TEX15: variants seen among roughly 807,000 people sequenced by gnomAD.
The protein encoded by TEX15 is testis expressed 15, meiosis and synapsis associated.
A neutral mutation model predicts 237.3 loss-of-function variants in TEX15; 171 were observed. The observed-to-expected ratio is 0.72, with a 90% CI of 0.64 to 0.82. TEX15 has a LOEUF of 0.82. Among genes scored for constraint, TEX15 ranks in the 40% least tolerant of loss-of-function variants. The pLI, the probability that TEX15 is intolerant of heterozygous loss-of-function variation, is 0.00. For synonymous variants in TEX15, 1,338 were observed against 1,269.8 expected (o/e 1.05, Z -1.14); for missense variants, 3,750 against 3,646.5 (o/e 1.03, Z -0.73).
intron 5 of TEX15, 31 bp downstream of exon 5, chr8:30,867,234 A>T (rs1808192399): frequency 4.6e-6 from 5 of 1,077,928 alleles, no homozygotes; most frequent in Non-Finnish European, 5.4e-6. Flanking sequence ...CAAACTGTCC[A>T]TATACTTAAT....
rs753722416 is a variant in TEX15, at chr8:30,887,226, C to T, written c.77G>A (p.Arg26His). Residue 26 changes from arginine (R) to histidine (H), a missense_variant, in exon 3 of 11, where the codon CGT becomes CAT. Coordinates refer to ENST00000643185, the MANE Select transcript of TEX15 (RefSeq NM_001350162.2). Reference protein sequence around the residue: ...SSTSKPVLNTREVNPLKKFTI... With the variant: ...SSTSKPVLNTHEVNPLKKFTI... ...GAATTTCTTCAAAGGATTGACTTCA[C>T]GAGTATTCAACACGGGTTTGCTAGT... is the stretch of plus-strand genomic sequence containing the variant. 19 of 1,535,860 alleles carry T rather than the reference C, an allele frequency of 1.2e-5. No homozygotes were observed. The highest frequency in any genetic ancestry group is 7.1e-5 in the South Asian group (6 of 84,036).
At position 30,837,120 on chromosome 8, in the gene TEX15, T is replaced by C. The variant is rs1242187257; in HGVS notation, c.9164A>G (p.Asn3055Ser). 2.5e-6 allele frequency: 4 copies of C among 1,613,034 alleles called. No homozygotes were observed. The highest frequency in any genetic ancestry group is 1.7e-5 in the Admixed American group (1 of 59,990). The change falls in exon 10 of 11, where the codon AAT (asparagine) becomes AGT (serine). Residue 3055 changes from asparagine to serine, a missense_variant. Transcript: ENST00000643185. ...CVYQYSNSNG[N>S]AITQTYQGIT... Reference sequence around the variant, plus strand: ...CCCTTGGTATGTCTGGGTAATGGCATTGCCATTGCTGTTGCTGTACTGATA... The same window carrying C: ...CCCTTGGTATGTCTGGGTAATGGCACTGCCATTGCTGTTGCTGTACTGATA...
chr8:30,877,468 A>G (rs560039662), intron 3 of TEX15, among the ~76,000 whole-genome samples: 2 of 152,254 alleles, frequency 1.3e-5, no homozygotes, highest in Admixed American at 6.5e-5. Flanking sequence ...ATAAAACACT[A>G]TAACCAGCTG....
At chr8:30,901,896 A>G (rs762390302) in intron 1 of TEX15, among the ~76,000 whole-genome samples, 16 of 152,234 alleles carry the variant, frequency 1.1e-4, no homozygotes, top group Non-Finnish European at 1.6e-4. Context: ...CTTCCTAATT[A>G]TAGATCACTG....
In TEX15 at chr8:30,847,631, TTAAC is replaced by T. The variant is rs767840174; in HGVS notation, c.2532_2535del (p.Leu845AlafsTer6). ...TTAACATTCAGCCATATATCATTGC[TTAAC>T]TGTGAATTACAGAACAGATTGTGAT... On this transcript the variant is annotated frameshift_variant, in exon 8 of 11. Transcript: ENST00000643185. LOFTEE classifies it high-confidence loss of function. The T allele has an allele frequency of 1.1e-5, 17 of 1,613,554 alleles. No homozygotes were observed. Among genetic ancestry groups the T allele is most frequent in the Non-Finnish European group, 1.4e-5 (16 of 1,179,866 alleles).
chr8:30,869,140 C>G (rs895102320), intron 4 of TEX15, among the ~76,000 whole-genome samples: 9 of 151,704 alleles, frequency 5.9e-5, no homozygotes, highest in Non-Finnish European at 1.2e-4. Context: ...AGTTTTTGAT[C>G]TATTTCTGGC....
At chr8:30,855,693 A>G (rs1207331206) in intron 7 of TEX15, among the ~76,000 whole-genome samples, 1 of 152,194 alleles carries the variant, frequency 6.6e-6, no homozygotes, top group Non-Finnish European at 1.5e-5. Flanking sequence ...AACAACCCAA[A>G]TGTTGACCAA....
intron 5 of TEX15, 91 bp from the exon 6 acceptor site, chr8:30,860,148 C>T (rs901086612): frequency 4.5e-5 from 52 of 1,152,906 alleles, no homozygotes; most frequent in Middle Eastern, 3.0e-4. Context: ...GCTAACATTG[C>T]TTTGTTTTTC....
At chr8:30,892,682 A>C (rs1305837880) in intron 2 of TEX15, among the ~76,000 whole-genome samples, 2 of 152,080 alleles carry the variant, frequency 1.3e-5, no homozygotes, top group Non-Finnish European at 2.9e-5. Flanking sequence ...GTACTTTATA[A>C]TTTTTACGTT....
rs768516793 is a variant in TEX15, at chr8:30,849,015, C to T, written c.1152G>A (p.Met384Ile). 1.2e-6 allele frequency: 2 copies of T among 1,614,150 alleles called. No homozygotes were observed. Among genetic ancestry groups the T allele is most frequent in the South Asian group, 1.1e-5 (1 of 91,072 alleles). ...VLAHDSDISL[M>I]PSDAKDSVNG... ...TAACACTGTCTTTGGCATCACTGGG[C>T]ATAAGTGAAATGTCTGAATCATGTG... is the stretch of plus-strand genomic sequence containing the variant. The change falls in exon 8 of 11, where the codon ATG becomes ATA. Residue 384 changes from methionine to isoleucine, a missense_variant. Coordinates refer to ENST00000643185, the MANE Select transcript of TEX15 (RefSeq NM_001350162.2).
At chr8:30,859,778 C>A in intron 6 of TEX15, 133 bp downstream of exon 6, 1 of 666,594 alleles carries the variant, frequency 1.5e-6, no homozygotes, top group Non-Finnish European at 2.1e-6. Context: ...ATTAAAATAG[C>A]TTTCACTGTT....
Position 30,837,373 on chromosome 8 carries a change from T to G in TEX15, c.8911A>C (p.Asn2971His). The change falls in exon 10 of 11, where the codon AAT becomes CAT. Residue 2971 changes from asparagine to histidine, a missense_variant. Asn to His is a moderately conservative substitution (Grantham distance 68). Coordinates refer to ENST00000643185, the MANE Select transcript of TEX15 (RefSeq NM_001350162.2). The stretch of plus-strand genomic sequence containing the variant: ...CCAAAAGTATGCACAGTATTGGGAT[T>G]CAATGTATCCTTCATGTATTTGTCC... ...SEDKYMKDTL[N>H]PNTVHTFGAS... is the part of the protein sequence containing the mutation. The G allele has an allele frequency of 6.2e-7, 1 of 1,614,152 alleles. No individual in the cohort carries two copies. Among genetic ancestry groups the G allele is most frequent in the South Asian group, 1.1e-5 (1 of 91,078 alleles).
In TEX15 at chr8:30,845,481, G is replaced by A. The variant is rs1277696255; in HGVS notation, c.4686C>T (p.His1562=). The A allele has an allele frequency of 1.9e-6, 3 of 1,613,244 alleles. No individual in the cohort carries two copies. Among genetic ancestry groups the A allele is most frequent in the Non-Finnish European group, 2.5e-6 (3 of 1,179,490 alleles). Residue 1562 remains histidine, a synonymous_variant, in exon 8 of 11, where the codon CAC becomes CAT. Transcript: ENST00000643185. ...CTTTTTCTATTAGTTTCTCATCTGAGTGGTCTGGGGAAAACAGATATGCAG... is the reference window on the plus strand; with the variant it reads ...CTTTTTCTATTAGTTTCTCATCTGAATGGTCTGGGGAAAACAGATATGCAG... ...GKTAYLFSPD[H]SDEKLIEKEN... is the part of the protein sequence containing the mutation.
intron 8 of TEX15, among the ~76,000 whole-genome samples, chr8:30,841,442 T>C (rs540430691): frequency 1.8e-4 from 28 of 152,276 alleles, no homozygotes; most frequent in Admixed American, 2.0e-4. Flanking sequence ...AGGAAATACA[T>C]CATAAGGGGT....
rs1371024989 is a variant in TEX15, at chr8:30,848,170, T to C, written c.1997A>G (p.Tyr666Cys). Reference protein sequence around the residue: ...IDNYIVLHQEYKESESHNSFG... With the variant: ...IDNYIVLHQECKESESHNSFG... ...AGAATTATGACTCTCACTCTCTTTG[T>C]ATTCTTGGTGCAAAACAATGTAATT... The change falls in exon 8 of 11, where the codon TAC (tyrosine) becomes TGC (cysteine). Residue 666 changes from tyrosine (Y) to cysteine (C), a missense_variant. Coordinates refer to ENST00000643185, the MANE Select transcript of TEX15 (RefSeq NM_001350162.2). The C allele has an allele frequency of 6.2e-7, 1 of 1,611,370 alleles. No individual in the cohort carries two copies. The highest frequency in any genetic ancestry group is 8.5e-7 in the Non-Finnish European group (1 of 1,179,402).
chr8:30,855,216 T>A (rs374709716), intron 7 of TEX15, among the ~76,000 whole-genome samples: 1 of 152,044 alleles, frequency 6.6e-6, no homozygotes, highest in Non-Finnish European at 1.5e-5. Flanking sequence ...CTAAAAAAAA[T>A]CTATTAGAAT....
intron 1 of TEX15, among the ~76,000 whole-genome samples, chr8:30,908,977 A>G (rs753399551): frequency 1.5e-4 from 23 of 152,012 alleles, no homozygotes; most frequent in Non-Finnish European, 2.6e-4. Flanking sequence ...TCTCACACAC[A>G]CCCTTAAAGT....
chr8:30,852,382 C>T (rs1382414401), intron 7 of TEX15, among the ~76,000 whole-genome samples: 3 of 152,104 alleles, frequency 2.0e-5, no homozygotes, highest in Middle Eastern at 3.4e-3. Context: ...TGTGAGCCAC[C>T]GCGCCTGGCC....
At position 30,848,551 on chromosome 8, in the gene TEX15, G is replaced by C. The variant is rs1270924869; in HGVS notation, c.1616C>G (p.Ser539Cys). ...AGQCKDQGNF[S>C]FPISVSNVVS... is the part of the protein sequence containing the mutation. ...TACATTTGACACAGAAATTGGGAAG[G>C]AAAAATTACCTTGGTCCTTACATTG... Residue 539 changes from serine to cysteine, a missense_variant, in exon 8 of 11, where the codon TCC becomes TGC. Transcript: ENST00000643185. 1.2e-6 allele frequency: 2 copies of C among 1,613,954 alleles called. No homozygotes were observed. The highest frequency in any genetic ancestry group is 1.7e-6 in the Non-Finnish European group (2 of 1,180,004).
Sources: allele counts gnomAD v4.1 joint callset (sites outside exome capture counted in the v4.1 genomes callset), GRCh38; gene constraint gnomAD v4.1.1; transcripts MANE v1.5; gene names NCBI Gene and HGNC (gene_info 2026-07-23, HGNC 2026-07-21).